The following MICAL2 variants were observed in gnomAD, a reference collection of about 807,000 sequenced individuals.
MICAL2 encodes the protein microtubule associated monooxygenase, calponin and LIM domain containing 2.
MICAL2 carries 77 observed loss-of-function variants against 127.3 expected under a neutral mutation model. The observed-to-expected ratio is 0.60, with a 90% CI of 0.50 to 0.73. MICAL2 has a LOEUF of 0.73. Among genes scored for constraint, MICAL2 ranks in the 30% least tolerant of loss-of-function variants. The pLI is 0.00. For synonymous variants in MICAL2, 570 were observed against 551.1 expected, an observed-to-expected ratio of 1.03 and a Z score of -0.48; for missense variants, 1,351 against 1,434.4, an observed-to-expected ratio of 0.94 and a Z score of 0.94.
intron 32 of MICAL2, among the ~76,000 whole-genome samples, chr11:12,328,774 G>A (rs1190989327): frequency 6.6e-6 from 1 of 152,176 alleles, no homozygotes; most frequent in African/African-American, 2.4e-5. Flanking sequence ...TGAAACATTA[G>A]GATTTCAATT....
intron 3 of MICAL2, among the ~76,000 whole-genome samples, chr11:12,165,987 A>G (rs1158768720): frequency 1.3e-5 from 2 of 152,246 alleles, no homozygotes; most frequent in African/African-American, 4.8e-5. Context: ...ACTGAGGATC[A>G]TGCCAAATGA....
intron 3 of MICAL2, among the ~76,000 whole-genome samples, chr11:12,191,661 G>A (rs1859146013): frequency 6.6e-6 from 1 of 152,078 alleles, no homozygotes; most frequent in Non-Finnish European, 1.5e-5. Flanking sequence ...CAGCTACTCG[G>A]GAAGCTGAGA....
chr11:12,208,167 A>G (rs778142476), intron 5 of MICAL2, 28 bp downstream of exon 5: 5 of 1,537,632 alleles, frequency 3.3e-6, no homozygotes, highest in African/African-American at 1.4e-5. Flanking sequence ...TTTTCTGCCT[A>G]GAAAGCAGAT....
chr11:12,215,399 G>A (rs771031244), intron 7 of MICAL2, among the ~76,000 whole-genome samples: 4 of 152,208 alleles, frequency 2.6e-5, no homozygotes, highest in African/African-American at 4.8e-5. Context: ...CCATGTGCCT[G>A]TTCCTTTCTC....
At chr11:12,153,833 C>T (rs1853862952) in intron 2 of MICAL2, among the ~76,000 whole-genome samples, 1 of 152,204 alleles carries the variant, frequency 6.6e-6, no homozygotes, top group Admixed American at 6.5e-5. Flanking sequence ...TCAGAGTTCA[C>T]AGTTTTCCTG....
chr11:12,158,770 C>CTG (rs1854465279), intron 2 of MICAL2, among the ~76,000 whole-genome samples: 1 of 152,132 alleles, frequency 6.6e-6, no homozygotes, highest in Non-Finnish European at 1.5e-5. Context: ...TGAGGGAAGC[C>CTG]TGTATTATCC....
At chr11:12,172,288 C>G (rs1390737825) in intron 3 of MICAL2, among the ~76,000 whole-genome samples, 1 of 152,168 alleles carries the variant, frequency 6.6e-6, no homozygotes, top group Non-Finnish European at 1.5e-5. Context: ...TTCCCCAGCA[C>G]CTAGGAAAAT....
intron 3 of MICAL2, among the ~76,000 whole-genome samples, chr11:12,198,606 C>T (rs1186106227): frequency 6.6e-6 from 1 of 152,074 alleles, no homozygotes; most frequent in Admixed American, 6.5e-5. Context: ...AGAGCCACAC[C>T]AGGAAGTATG....
intron 32 of MICAL2, among the ~76,000 whole-genome samples, chr11:12,346,079 C>T (rs542284763): frequency 1.1e-4 from 16 of 151,408 alleles, no homozygotes; most frequent in African/African-American, 2.9e-4. Flanking sequence ...CATTGAAGGC[C>T]GATAGAAAGA....
At chr11:12,115,196 T>C (rs1849906832) in intron 1 of MICAL2, among the ~76,000 whole-genome samples, 1 of 152,238 alleles carries the variant, frequency 6.6e-6, no homozygotes, top group Non-Finnish European at 1.5e-5. Flanking sequence ...GTGTCTTGTC[T>C]GAATTTGTTC....
intron 34 of MICAL2, chr11:12,354,953 G>C: frequency 8.6e-7 from 1 of 1,163,316 alleles, no homozygotes; most frequent in Non-Finnish European, 1.2e-6. Flanking sequence ...CTTCCTGCCT[G>C]CCAGCCTGCA....
intron 33 of MICAL2, among the ~76,000 whole-genome samples, chr11:12,354,369 G>A (rs1229307995): frequency 2.0e-5 from 3 of 152,130 alleles, no homozygotes; most frequent in African/African-American, 7.2e-5. Flanking sequence ...CTACTCAGGA[G>A]GCTGAGGCAG....
chr11:12,187,185 C>G (rs1268160049), intron 3 of MICAL2, among the ~76,000 whole-genome samples: 3 of 152,188 alleles, frequency 2.0e-5, no homozygotes, highest in Admixed American at 2.0e-4. Flanking sequence ...TCTTTCTCTT[C>G]TTCCCTCCTC....
At chr11:12,294,502 T>C, downstream of MICAL2, 1 of 1,614,176 alleles carries the variant, frequency 6.2e-7, no homozygotes, top group African/African-American at 1.3e-5. Context: ...AGGTCTTTCC[T>C]GCACTTAGGT....
intron 29 of MICAL2, among the ~76,000 whole-genome samples, chr11:12,306,373 TTA>T (rs1371372748): frequency 1.3e-5 from 2 of 152,310 alleles, no homozygotes; most frequent in East Asian, 3.9e-4. Flanking sequence ...ATACAGTGAT[TTA>T]TCTGTCGGTT....
intron 32 of MICAL2, among the ~76,000 whole-genome samples, chr11:12,328,998 A>T (rs994990760): frequency 6.6e-6 from 1 of 152,228 alleles, no homozygotes; most frequent in Non-Finnish European, 1.5e-5. Flanking sequence ...TGCTAGAGTC[A>T]GACTTTACCT....
intron 32 of MICAL2, among the ~76,000 whole-genome samples, chr11:12,338,047 A>G (rs972882550): frequency 1.2e-4 from 19 of 152,142 alleles, no homozygotes; most frequent in Non-Finnish European, 2.1e-4. Flanking sequence ...TAATGTTGAC[A>G]GTGGGGTGTT....
intron 2 of MICAL2, among the ~76,000 whole-genome samples, chr11:12,153,043 G>A (rs1468544715): frequency 6.7e-6 from 1 of 150,290 alleles, no homozygotes; most frequent in Non-Finnish European, 1.5e-5. Context: ...TTGTTTGTTT[G>A]TTTTGAGGCA....
chr11:12,294,816 C>CTCCTCG (rs760163778), downstream of MICAL2: 1 of 1,510,854 alleles, frequency 6.6e-7, no homozygotes, highest in Non-Finnish European at 8.8e-7. Flanking sequence ...CCTCCTCCTC[C>CTCCTCG]TCCTCCTCCT....
Sources: gnomAD v4.1 joint callset for allele counts (sites outside exome capture counted in the v4.1 genomes callset) on GRCh38, gnomAD v4.1.1 for gene constraint, MANE v1.5 for transcripts, NCBI Gene and HGNC (gene_info 2026-07-23, HGNC 2026-07-21) for gene names.